EML1: variants seen among roughly 807,000 people sequenced by gnomAD.
EML1 encodes the protein echinoderm microtubule-associated protein-like 1.
In EML1, 27 loss-of-function variants were observed where a neutral mutation model predicts 110.4. That is an observed-to-expected ratio of 0.24 (90% confidence interval 0.18 to 0.34). The LOEUF (loss-of-function observed/expected upper bound fraction) is 0.34, where lower values mean the gene tolerates loss of function less well. EML1 is among the 10% of genes least tolerant of loss of function. EML1 has a pLI of 1.00. For synonymous variants in EML1, 344 were observed against 385.8 expected (o/e 0.89, Z 1.27); for missense variants, 741 against 1,030.9 (o/e 0.72, Z 3.85).
At chr14:99,832,534 G>T (rs188722595) in intron 1 of EML1, among the ~76,000 whole-genome samples, 1 of 152,190 alleles carries the variant, frequency 6.6e-6, no homozygotes, top group Non-Finnish European at 1.5e-5. Flanking sequence ...ACTTGGTGTG[G>T]TCGGTCTTTT....
intron 1 of EML1, among the ~76,000 whole-genome samples, chr14:99,739,091 T>TGTGTGTGTGAGAGA (rs112232539): frequency 1.5e-4 from 20 of 136,400 alleles, no homozygotes; most frequent in African/African-American, 5.7e-4. Flanking sequence ...TGTGTGTGTG[T>TGTGTGTGTGAGAGA]GAGAGAGAGA....
intron 1 of EML1, among the ~76,000 whole-genome samples, chr14:99,776,536 T>C (rs1436072518): frequency 6.6e-5 from 10 of 151,866 alleles, no homozygotes; most frequent in Non-Finnish European, 1.3e-4. Context: ...TGAAATTAAT[T>C]AGTGCAGAAT....
chr14:99,829,569 T>G (rs1329680992), intron 1 of EML1, among the ~76,000 whole-genome samples: 1 of 152,166 alleles, frequency 6.6e-6, no homozygotes, highest in Non-Finnish European at 1.5e-5. Flanking sequence ...CACTCTCTAC[T>G]TCAAAAATTT....
rs547457306 is a variant in EML1, at chr14:99,781,612, C to G, written c.-27+7599C>G. On this transcript the variant is annotated intron_variant, in intron 1 of 22. Transcript: ENST00000327921. The surrounding 1 kb of genome is among the most constrained non-coding windows in gnomAD (Gnocchi z 4.2). ...CCCTGGCCCAGGTATGTGCACTTCC[C>G]ATCAGTCTTCCTGAAGCACAGTCCT... Among the ~76,000 whole-genome samples, 1 of 152,192 alleles carries G rather than the reference C, an allele frequency of 6.6e-6. No individual in the cohort carries two copies. The highest frequency in any genetic ancestry group is 2.4e-5 in the African/African-American group (1 of 41,446).
intron 1 of EML1, among the ~76,000 whole-genome samples, chr14:99,745,879 T>C (rs2057101839): frequency 6.6e-6 from 1 of 152,226 alleles, no homozygotes; most frequent in African/African-American, 2.4e-5. Context: ...GTGCATGGTG[T>C]ACTGCCAGGC....
At chr14:99,888,260 G>A (rs145858883) in intron 4 of EML1, among the ~76,000 whole-genome samples, 18 of 152,182 alleles carry the variant, frequency 1.2e-4, no homozygotes, top group Admixed American at 7.2e-4. Flanking sequence ...CTTCAGTGTC[G>A]AAGGTCCACG....
intron 2 of EML1, among the ~76,000 whole-genome samples, chr14:99,863,244 AG>A (rs1476175134): frequency 1.3e-5 from 2 of 152,186 alleles, no homozygotes; most frequent in Non-Finnish European, 2.9e-5. Flanking sequence ...TTAGTTTTAC[AG>A]TCTCTACTCA....
chr14:99,898,053 G>T (rs2059700446), intron 7 of EML1, among the ~76,000 whole-genome samples, 180 bp from the exon 8 acceptor site: 1 of 152,198 alleles, frequency 6.6e-6, no homozygotes, highest in Non-Finnish European at 1.5e-5. Context: ...GAATTAAGAT[G>T]AAATGAATTA....
upstream of EML1, among the ~76,000 whole-genome samples, chr14:99,770,779 A>ATCTTTTTTTTTTTTTTTTTTTTT (rs2057417623): frequency 1.1e-5 from 1 of 91,640 alleles, no homozygotes; most frequent in Admixed American, 1.5e-4. Flanking sequence ...GTTTCCGCTG[A>ATCTTTTTTTTTTTTTTTTTTTTT]TTTTTTTTTT....
intron 4 of EML1, 131 bp from the exon 5 acceptor site, chr14:99,891,068 T>C: frequency 2.0e-6 from 2 of 998,224 alleles, no homozygotes; most frequent in Non-Finnish European, 3.0e-6. Flanking sequence ...GTGGTGTTTT[T>C]CTTATTAACG....
At position 99,941,138 on chromosome 14, in the gene EML1, G is replaced by C. The variant is rs1033884869; in HGVS notation, c.*1026G>C. The stretch of plus-strand genomic sequence containing the variant: ...TTTTGTGCATGGGCGACCCATTACA[G>C]TATGAGATAAGATTGAGTTCTGATG... On this transcript the variant is annotated 3_prime_UTR_variant, in exon 22 of 22. Coordinates refer to ENST00000262233, the MANE Select transcript of EML1 (RefSeq NM_004434.3). 52 of 152,200 alleles carry C rather than the reference G, an allele frequency of 3.4e-4. No homozygotes were observed. The highest frequency in any genetic ancestry group is 1.3e-3 in the African/African-American group (52 of 41,440). The allele number at this position is 152,200 out of a possible 1,614,324, so 9.4% of individuals were successfully genotyped here. A position where few individuals can be genotyped will look rare whatever the true frequency, so the allele number is the denominator to read the frequency against.
At chr14:99,795,139 A>C (rs1192140308) in intron 1 of EML1, among the ~76,000 whole-genome samples, 1 of 152,200 alleles carries the variant, frequency 6.6e-6, no homozygotes, top group Non-Finnish European at 1.5e-5. Flanking sequence ...TGCGATATGA[A>C]AATGAGCCTA....
chr14:99,739,290 C>T (rs1385117330), intron 1 of EML1, among the ~76,000 whole-genome samples: 1 of 152,060 alleles, frequency 6.6e-6, no homozygotes, highest in Admixed American at 6.5e-5. Context: ...TCTGGCTGGC[C>T]CTGCCCCACA....
At chr14:99,796,607 A>G (rs978114471) in intron 1 of EML1, among the ~76,000 whole-genome samples, 1 of 150,766 alleles carries the variant, frequency 6.6e-6, no homozygotes, top group African/African-American at 2.4e-5. Context: ...GTCCTACCTC[A>G]GTCTCTCAAG....
chr14:99,878,692 A>C, intron 4 of EML1, 73 bp downstream of exon 4: 4 of 1,529,560 alleles, frequency 2.6e-6, no homozygotes, highest in Non-Finnish European at 3.5e-6. Context: ...GAGGAGTCAG[A>C]AGATCCCCTC....
rs532625924 is a variant in EML1, at chr14:99,758,736, G to A, written c.28+20876G>A. On this transcript the variant is annotated intron_variant, in intron 1 of 10. Transcript: ENST00000554479. ...ATGCATTCCATACGGAGGCTTCTGG[G>A]GAGAGGCTGAGGAGCACCGAGTCGC... is the stretch of plus-strand genomic sequence containing the variant. 8.3e-4 allele frequency among the ~76,000 whole-genome samples: 126 copies of A among 152,190 alleles called. 2 individuals are homozygous for A. Among genetic ancestry groups the A allele is most frequent in the Non-Finnish European group, 1.6e-3 (106 of 68,008 alleles).
intron 1 of EML1, among the ~76,000 whole-genome samples, chr14:99,846,720 G>A (rs17099126): frequency 0.028 from 4,317 of 152,236 alleles, 150 homozygotes; most frequent in Admixed American, 0.1. Flanking sequence ...TTGTAGGCAG[G>A]TGTCTTCTCC....
chr14:99,744,963 A>G (rs2057088077), intron 1 of EML1, among the ~76,000 whole-genome samples: 1 of 152,210 alleles, frequency 6.6e-6, no homozygotes, highest in Admixed American at 6.5e-5. Context: ...GGAAATGATG[A>G]GAAGAGCGTG....
At chr14:99,907,325 G>A (rs1350163733) in intron 9 of EML1, 4 of 294,446 alleles carry the variant, frequency 1.4e-5, no homozygotes, top group Non-Finnish European at 2.5e-5. Context: ...AAGAGTAGCT[G>A]GGAGTGGTGG....
Sources: allele counts gnomAD v4.1 joint callset (sites outside exome capture counted in the v4.1 genomes callset), GRCh38; gene constraint gnomAD v4.1.1; non-coding constraint Gnocchi (gnomAD v3.1); transcripts MANE v1.5; gene names NCBI Gene and HGNC (gene_info 2026-07-23, HGNC 2026-07-21).